Variants in MIB1 observed in about 807,000 individuals in gnomAD.
MIB1 encodes E3 ubiquitin-protein ligase MIB1.
MIB1 carries 278 observed loss-of-function variants against 124.5 expected under a neutral mutation model. That is an observed-to-expected ratio of 2.23 (90% CI 2.02 to 2.47). The LOEUF is 2.47. Among genes scored for constraint, MIB1 ranks in the 30% most tolerant of loss-of-function variants. MIB1 has a pLI of 0.00. For missense variants in MIB1, 957 were observed against 1,254.4 expected, an observed-to-expected ratio of 0.76 and a Z score of 3.58; for synonymous variants, 446 against 429.4, an observed-to-expected ratio of 1.04 and a Z score of -0.48.
chr18:21,790,451 T>G (rs1227191587), intron 6 of MIB1, among the ~76,000 whole-genome samples: 1 of 152,164 alleles, frequency 6.6e-6, no homozygotes. Context: ...TCAATTTAGG[T>G]CTGTATTCTT....
intron 1 of MIB1, among the ~76,000 whole-genome samples, chr18:21,714,423 C>T (rs567377029): frequency 2.2e-4 from 33 of 152,290 alleles, no homozygotes; most frequent in African/African-American, 7.7e-4. Flanking sequence ...GACCTCTACA[C>T]TGCATAATTT....
At chr18:21,757,906 A>G (rs1268935548) in intron 1 of MIB1, among the ~76,000 whole-genome samples, 2 of 152,208 alleles carry the variant, frequency 1.3e-5, no homozygotes, top group Admixed American at 6.5e-5. Context: ...ATACGTAATT[A>G]TTCTTTAAAT....
At chr18:21,761,931 A>T (rs1279478562) in intron 1 of MIB1, among the ~76,000 whole-genome samples, 2 of 98,580 alleles carry the variant, frequency 2.0e-5, no homozygotes, top group African/African-American at 7.2e-5. Flanking sequence ...TGTACCCAGA[A>T]AACAATCTGG....
At chr18:21,819,462 G>A in intron 11 of MIB1, 33 bp from the exon 12 acceptor site, 1 of 1,398,958 alleles carries the variant, frequency 7.1e-7, no homozygotes, top group Non-Finnish European at 9.9e-7. Context: ...ATAATTAATT[G>A]AAGAACTAAT....
chr18:21,853,039 G>GT, intron 17 of MIB1, 101 bp from the exon 18 acceptor site: 1 of 779,356 alleles, frequency 1.3e-6, no homozygotes, highest in Non-Finnish European at 2.2e-6. Context: ...GTGCCTAGGT[G>GT]TTTTCTTACA....
intron 18 of MIB1, chr18:21,854,596 CT>C (rs34762697): frequency 0.011 from 1,278 of 116,326 alleles, 6 homozygotes; most frequent in East Asian, 0.033. Flanking sequence ...GCGTTTGCTC[CT>C]TTTTTTTTTT....
At chr18:21,719,737 A>G (rs2040706222) in intron 1 of MIB1, among the ~76,000 whole-genome samples, 1 of 151,674 alleles carries the variant, frequency 6.6e-6, no homozygotes, top group African/African-American at 2.4e-5. Flanking sequence ...GATTACAGGC[A>G]TGAGCCACTG....
At chr18:21,814,737 C>T (rs1434387030) in intron 10 of MIB1, among the ~76,000 whole-genome samples, 1 of 151,672 alleles carries the variant, frequency 6.6e-6, no homozygotes, top group Non-Finnish European at 1.5e-5. Flanking sequence ...CCATGTCTGG[C>T]TAATGTTTGT....
At chr18:21,764,895 T>A (rs554967805) in intron 1 of MIB1, among the ~76,000 whole-genome samples, 3 of 152,312 alleles carry the variant, frequency 2.0e-5, no homozygotes, top group African/African-American at 4.8e-5. Context: ...CCTTGCTTGG[T>A]CAGCATTGAG....
chr18:21,730,880 TTC>T (rs1168632526), intron 1 of MIB1, among the ~76,000 whole-genome samples: 6 of 152,238 alleles, frequency 3.9e-5, no homozygotes, highest in Admixed American at 1.3e-4. Flanking sequence ...GGACCTCTAC[TTC>T]TCTCTCTTGT....
chr18:21,760,926 T>C (rs909525951), intron 1 of MIB1, among the ~76,000 whole-genome samples: 4 of 152,216 alleles, frequency 2.6e-5, no homozygotes, highest in Non-Finnish European at 4.4e-5. Flanking sequence ...TGGAACTAAA[T>C]CAGATTTATT....
intron 6 of MIB1, among the ~76,000 whole-genome samples, chr18:21,781,618 T>C (rs1362908740): frequency 6.6e-6 from 1 of 151,574 alleles, no homozygotes; most frequent in Non-Finnish European, 1.5e-5. Context: ...TTTCACCATG[T>C]TGGCCAGGCT....
At chr18:21,721,426 C>T (rs916177116) in intron 1 of MIB1, among the ~76,000 whole-genome samples, 3 of 151,832 alleles carry the variant, frequency 2.0e-5, no homozygotes, top group African/African-American at 7.3e-5. Context: ...AGTGATCTGC[C>T]CGCCTCAGCC....
At chr18:21,724,402 A>G (rs1023749963) in intron 1 of MIB1, among the ~76,000 whole-genome samples, 2 of 151,976 alleles carry the variant, frequency 1.3e-5, no homozygotes, top group Non-Finnish European at 2.9e-5. Flanking sequence ...GTTACATTCA[A>G]TTAAAAAATA....
intron 13 of MIB1, among the ~76,000 whole-genome samples, chr18:21,840,787 C>T (rs1470543415): frequency 2.0e-5 from 3 of 149,696 alleles, no homozygotes; most frequent in Admixed American, 6.7e-5. Context: ...GCCATGATGG[C>T]GCCACTGCAC....
chr18:21,853,362 T>A, intron 18 of MIB1, 144 bp downstream of exon 18: 1 of 621,316 alleles, frequency 1.6e-6, no homozygotes, highest in East Asian at 2.8e-5. Flanking sequence ...TATTTCTTTC[T>A]CTGTACTAGA....
At position 21,740,811 on chromosome 18, in the gene MIB1, C is replaced by T. The variant is rs2040838690; in HGVS notation, c.-773C>T. 6.6e-6 allele frequency among the ~76,000 whole-genome samples: 1 copy of T among 152,252 alleles called. No individual in the cohort carries two copies. The highest frequency in any genetic ancestry group is 2.1e-4 in the South Asian group (1 of 4,836). ...ACTCTCCTTGGACCCTGGAGAGACG[C>T]TTAGGGATCAGTTTTCTCCTCCTTT... On this transcript the variant is annotated 5_prime_UTR_variant, in exon 1 of 21. Coordinates refer to ENST00000261537, the MANE Select transcript of MIB1 (RefSeq NM_020774.4).
At chr18:21,815,474 C>T (rs2041821674) in intron 10 of MIB1, 142 bp from the exon 11 acceptor site, 9 of 706,184 alleles carry the variant, frequency 1.3e-5, no homozygotes, top group Admixed American at 5.8e-5. Flanking sequence ...TGAGCCACTG[C>T]ACCTGGTCAA....
At chr18:21,772,222 T>C (rs1219191605) in intron 3 of MIB1, among the ~76,000 whole-genome samples, 2 of 152,192 alleles carry the variant, frequency 1.3e-5, no homozygotes, top group Non-Finnish European at 2.9e-5. Flanking sequence ...AGTAATAGTT[T>C]TTAAGTGTAT....
Sources: allele counts gnomAD v4.1 joint callset (sites outside exome capture counted in the v4.1 genomes callset), GRCh38; gene constraint gnomAD v4.1.1; transcripts MANE v1.5; gene names NCBI Gene and HGNC (gene_info 2026-07-23, HGNC 2026-07-21).